The following NAV3 variants were observed in gnomAD, a reference collection of about 807,000 sequenced individuals.
The protein encoded by NAV3 is neuron navigator 3, also known as pore membrane and/or filament interacting like protein 1.
Under a neutral mutation model 244.7 loss-of-function variants are expected in NAV3, and 87 were observed. The observed-to-expected ratio is 0.36, with a 90% CI of 0.30 to 0.42. The LOEUF is 0.42. NAV3 is among the 20% of genes least tolerant of loss of function. The pLI is 1.00. For synonymous variants in NAV3, 1,126 were observed against 1,042.2 expected, an observed-to-expected ratio of 1.08 and a Z score of -1.55; for missense variants, 2,663 against 2,893.3, an observed-to-expected ratio of 0.92 and a Z score of 1.83.
intron 30 of NAV3, among the ~76,000 whole-genome samples, chr12:78,182,747 G>A (rs984823699): frequency 2.0e-4 from 31 of 151,580 alleles, no homozygotes; most frequent in Admixed American, 2.6e-4. Flanking sequence ...CATTCCCTAA[G>A]TTATTTTTAA....
At chr12:77,633,993 A>G (rs567218348) in intron 2 of NAV3, among the ~76,000 whole-genome samples, 5 of 152,272 alleles carry the variant, frequency 3.3e-5, no homozygotes, top group African/African-American at 1.2e-4. Flanking sequence ...CTTGAATCCT[A>G]CCTTCTCTCA....
In NAV3 at chr12:77,928,222, CAAAAAA is replaced by C. The variant is rs759919821; in HGVS notation, c.244-12081_244-12076del. On this transcript the variant is annotated intron_variant, in intron 1 of 39. Coordinates refer to ENST00000397909, the MANE Select transcript of NAV3 (RefSeq NM_001024383.2). ...TGGGTGACAGGGCTAGGCTCCGCCT[CAAAAAA>C]AAAAAAAAAAAAAAAGAGAGAGAGG... 2.8e-3 allele frequency among the ~76,000 whole-genome samples: 223 copies of C among 80,514 alleles called. 1 individual carries two copies. The highest frequency in any genetic ancestry group is 4.4e-3 in the Non-Finnish European group (192 of 43,786). The allele number at this position is 80,514 out of a possible 152,430, so 52.8% of individuals were successfully genotyped here. A position where few individuals can be genotyped will look rare whatever the true frequency, so the allele number is the denominator to read the frequency against.
chr12:77,789,741 C>T (rs61935808), intron 2 of NAV3, among the ~76,000 whole-genome samples: 1 of 141,196 alleles, frequency 7.1e-6, no homozygotes, highest in Non-Finnish European at 1.5e-5. Context: ...ACCTGGGAGG[C>T]GGACGTTGCA....
intron 1 of NAV3, among the ~76,000 whole-genome samples, chr12:77,873,299 A>T (rs906254183): frequency 6.6e-6 from 1 of 152,114 alleles, no homozygotes; most frequent in African/African-American, 2.4e-5. Flanking sequence ...ACTTTTTAGT[A>T]TATTAGTATA....
chr12:77,645,477 G>T (rs1400164119), intron 2 of NAV3, among the ~76,000 whole-genome samples: 2 of 139,704 alleles, frequency 1.4e-5, no homozygotes, highest in African/African-American at 5.4e-5. Context: ...TTTAAGTCAA[G>T]TAGGCAGTTT....
intron 2 of NAV3, among the ~76,000 whole-genome samples, chr12:77,757,309 A>G (rs1462971207): frequency 6.6e-6 from 1 of 152,170 alleles, no homozygotes; most frequent in African/African-American, 2.4e-5. Context: ...ACTTTATGGG[A>G]AAGTATAATT....
chr12:77,794,351 G>A (rs541354034), intron 2 of NAV3, among the ~76,000 whole-genome samples: 3 of 152,200 alleles, frequency 2.0e-5, no homozygotes, highest in Admixed American at 6.5e-5. Context: ...GATCAAATAA[G>A]TAAACTTTTT....
chr12:77,858,941 G>T (rs916449096), intron 1 of NAV3, among the ~76,000 whole-genome samples: 1 of 152,062 alleles, frequency 6.6e-6, no homozygotes, highest in African/African-American at 2.4e-5. Context: ...GAGATGCAAA[G>T]TTCTTTACCC....
intron 31 of NAV3, among the ~76,000 whole-genome samples, chr12:78,187,115 A>G (rs1958755971): frequency 6.6e-6 from 1 of 151,948 alleles, no homozygotes; most frequent in African/African-American, 2.4e-5. Flanking sequence ...TAACAATAGT[A>G]ACAAAAATCA....
chr12:77,998,024 A>G (rs907157321), intron 6 of NAV3, among the ~76,000 whole-genome samples: 4 of 152,244 alleles, frequency 2.6e-5, no homozygotes, highest in Non-Finnish European at 5.9e-5. Flanking sequence ...TTTTCACATA[A>G]TTGTTACAGT....
At chr12:77,603,714 C>G (rs1870542253) in intron 2 of NAV3, among the ~76,000 whole-genome samples, 1 of 151,986 alleles carries the variant, frequency 6.6e-6, no homozygotes, top group African/African-American at 2.4e-5. Context: ...CAGGATTGAA[C>G]CTTGAATTGT....
At chr12:77,924,705 C>T (rs543344215) in intron 1 of NAV3, among the ~76,000 whole-genome samples, 10 of 152,084 alleles carry the variant, frequency 6.6e-5, no homozygotes, top group African/African-American at 2.2e-4. Context: ...GTTTCTGTGT[C>T]TCAATGCAAT....
At chr12:77,886,396 A>G (rs1272687715) in intron 1 of NAV3, among the ~76,000 whole-genome samples, 1 of 152,142 alleles carries the variant, frequency 6.6e-6, no homozygotes, top group Non-Finnish European at 1.5e-5. Context: ...TAAACTTAAC[A>G]TGCTAAACAG....
chr12:78,110,383 T>A (rs2887727), intron 12 of NAV3, among the ~76,000 whole-genome samples: 1 of 152,080 alleles, frequency 6.6e-6, no homozygotes, highest in African/African-American at 2.4e-5. Context: ...CCACATTCAA[T>A]GCAATTTCTA....
At chr12:77,616,752 A>G (rs1304449362) in intron 2 of NAV3, among the ~76,000 whole-genome samples, 1 of 151,728 alleles carries the variant, frequency 6.6e-6, no homozygotes, top group Non-Finnish European at 1.5e-5. Flanking sequence ...ACACACACAC[A>G]CGATTATGTA....
chr12:78,105,595 G>A (rs1463975492), intron 12 of NAV3, among the ~76,000 whole-genome samples: 1 of 151,952 alleles, frequency 6.6e-6, no homozygotes, highest in Non-Finnish European at 1.5e-5. Context: ...GGACAAGTTG[G>A]TATTATTCTT....
intron 2 of NAV3, among the ~76,000 whole-genome samples, chr12:77,692,390 A>G (rs933355226): frequency 3.3e-5 from 5 of 152,114 alleles, no homozygotes; most frequent in African/African-American, 1.2e-4. Flanking sequence ...ACCATTTAAT[A>G]GCTTTATTCC....
intron 9 of NAV3, among the ~76,000 whole-genome samples, chr12:78,044,499 T>C (rs1412075776): frequency 2.0e-5 from 3 of 152,230 alleles, no homozygotes; most frequent in Non-Finnish European, 4.4e-5. Flanking sequence ...GGGATAGCAT[T>C]GAATCTCTAA....
intron 12 of NAV3, among the ~76,000 whole-genome samples, chr12:78,106,184 A>G (rs182214267): frequency 6.6e-6 from 1 of 152,054 alleles, no homozygotes; most frequent in Non-Finnish European, 1.5e-5. Flanking sequence ...AAAAGCCAAA[A>G]AAATCAATAA....
Sources: allele counts gnomAD v4.1 joint callset (sites outside exome capture counted in the v4.1 genomes callset), GRCh38; gene constraint gnomAD v4.1.1; transcripts MANE v1.5; gene names NCBI Gene and HGNC (gene_info 2026-07-23, HGNC 2026-07-21).